AMER3: variants seen among roughly 807,000 people sequenced by gnomAD.
AMER3 encodes family with sequence similarity 123C.
For synonymous variants in AMER3, 541 were observed against 485.5 expected (o/e 1.11, Z -1.50); for missense variants, 1,201 against 1,139.4 (o/e 1.05, Z -0.78).
Position 130,764,817 on chromosome 2 carries a change from G to A in AMER3, c.*159G>A. On this transcript the variant is annotated 3_prime_UTR_variant, in exon 2 of 2. Coordinates refer to ENST00000321420, the MANE Select transcript of AMER3 (RefSeq NM_152698.3). ...GCAGAGGGTAGCATGTTCATGTGGA[G>A]GCATCCTTGCCTGAACCCACCAGCT... The A allele has an allele frequency of 5.0e-6, 5 of 993,764 alleles. No individual in the cohort carries two copies. Among genetic ancestry groups the A allele is most frequent in the East Asian group, 2.6e-5 (1 of 37,802 alleles). 61.6% of individuals were successfully genotyped at this position (993,764 alleles called of 1,614,324 possible).
rs1029670290 is a variant in AMER3, at chr2:130,765,765, C to T, written c.*1107C>T. ...AGCTCTGAGAGAGAGACCAGTTTGCCTTCTTTATTTGTTCTCCCTGGGCCT... is the reference window on the plus strand; with the variant it reads ...AGCTCTGAGAGAGAGACCAGTTTGCTTTCTTTATTTGTTCTCCCTGGGCCT... On this transcript the variant is annotated 3_prime_UTR_variant, in exon 2 of 2. Transcript: ENST00000321420. 1 of 167,028 alleles carries T rather than the reference C, an allele frequency of 6.0e-6. No individual in the cohort carries two copies. Among genetic ancestry groups the T allele is most frequent in the African/African-American group, 2.4e-5 (1 of 41,442 alleles). The allele number at this position is 167,028 out of a possible 1,614,324, so 10.3% of individuals were successfully genotyped here.
Position 130,764,958 on chromosome 2 carries a change from G to C in AMER3, c.*300G>C. On this transcript the variant is annotated 3_prime_UTR_variant, in exon 2 of 2. Coordinates refer to ENST00000321420, the MANE Select transcript of AMER3 (RefSeq NM_152698.3). ...TGAGGGGGAGAAAGAGCTGCACATT[G>C]TAAATGGGAAGCAGAGAGCCAATGA... is the stretch of plus-strand genomic sequence containing the variant. 1 of 340,038 alleles carries C rather than the reference G, an allele frequency of 2.9e-6. No individual in the cohort carries two copies. The highest frequency in any genetic ancestry group is 5.7e-6 in the Non-Finnish European group (1 of 176,470). 21.1% of individuals were successfully genotyped at this position (340,038 alleles called of 1,614,324 possible).
At position 130,767,503 on chromosome 2, in the gene AMER3, T is replaced by A; in HGVS notation, c.*2845T>A. ...GACGCTGGTCAGTGCCTCTCCTGAC[T>A]GCCTGACGCTTGGTCTCCGGTGGCC... On this transcript the variant is annotated 3_prime_UTR_variant, in exon 2 of 2. Transcript: ENST00000321420. 6.0e-6 allele frequency: 1 copy of A among 166,764 alleles called. No individual in the cohort carries two copies. The highest frequency in any genetic ancestry group is 1.5e-5 in the Non-Finnish European group (1 of 68,116). The allele number at this position is 166,764 out of a possible 1,614,324, so 10.3% of individuals were successfully genotyped here.
rs374615836 is a variant in AMER3, at chr2:130,763,361, G to C, written c.1289G>C (p.Ser430Thr). 2 of 1,613,290 alleles carry C rather than the reference G, an allele frequency of 1.2e-6. No individual in the cohort carries two copies. The highest frequency in any genetic ancestry group is 1.7e-6 in the Non-Finnish European group (2 of 1,180,004). ...CTCTACGAGCTCTTCCACGACCCCA[G>C]CGAGGGTCCTCTTGGCCCCAGCCCA... is the stretch of plus-strand genomic sequence containing the variant. ...DALYELFHDP[S>T]EGPLGPSPDD... is the part of the protein sequence containing the mutation. Residue 430 changes from serine to threonine, a missense_variant, in exon 2 of 2, where the codon AGC becomes ACC. By Grantham distance (58) the Ser-to-Thr change is moderately conservative. Transcript: ENST00000321420.
At chr2:130,760,267 G>A (rs1368535607) in intron 1 of AMER3, among the ~76,000 whole-genome samples, 2 of 152,196 alleles carry the variant, frequency 1.3e-5, no homozygotes, top group Non-Finnish European at 2.9e-5. Flanking sequence ...CACTTCCCTT[G>A]GGTGGGAGCG....
intron 1 of AMER3, among the ~76,000 whole-genome samples, chr2:130,757,566 G>C (rs1558963999): frequency 6.6e-6 from 1 of 152,132 alleles, no homozygotes; most frequent in Non-Finnish European, 1.5e-5. Context: ...TGCTGCTCTG[G>C]TCACTTGAGC....
intron 1 of AMER3, among the ~76,000 whole-genome samples, chr2:130,760,667 GCAGA>G (rs1678750165): frequency 6.6e-6 from 1 of 152,128 alleles, no homozygotes; most frequent in Non-Finnish European, 1.5e-5. Context: ...GGAGACCCTG[GCAGA>G]CAGAGGTATT....
chr2:130,760,613 CTGACAGAG>C (rs1303663251), intron 1 of AMER3, among the ~76,000 whole-genome samples: 2 of 152,158 alleles, frequency 1.3e-5, no homozygotes, highest in Admixed American at 6.5e-5. Context: ...CCTGGCCAGA[CTGACAGAG>C]TACTGACTGT....
Position 130,764,684 on chromosome 2 carries a change from G to A in AMER3, c.*26G>A. The A allele has an allele frequency of 6.4e-7, 1 of 1,558,988 alleles. No homozygotes were observed. The highest frequency in any genetic ancestry group is 1.2e-5 in the South Asian group (1 of 83,202). Reference sequence around the variant, plus strand: ...GACAGGCTCACATGCACCAGGAACTGCATGTGTCTTCATGACCACTTTCAG... The same window carrying A: ...GACAGGCTCACATGCACCAGGAACTACATGTGTCTTCATGACCACTTTCAG... On this transcript the variant is annotated 3_prime_UTR_variant, in exon 2 of 2. Coordinates refer to ENST00000321420, the MANE Select transcript of AMER3 (RefSeq NM_152698.3).
intron 1 of AMER3, among the ~76,000 whole-genome samples, chr2:130,757,069 G>A (rs1213341484): frequency 6.6e-6 from 1 of 152,074 alleles, no homozygotes; most frequent in Non-Finnish European, 1.5e-5. Context: ...TTTGTCTCAA[G>A]GCGTTTCTGT....
At position 130,765,223 on chromosome 2, in the gene AMER3, T is replaced by C. The variant is rs1425362246; in HGVS notation, c.*565T>C. ...AAACACAACAGAACACATCAGCCAC[T>C]TCACACAATAAAATAGGCAATAATA... On this transcript the variant is annotated 3_prime_UTR_variant, in exon 2 of 2. Coordinates refer to ENST00000321420, the MANE Select transcript of AMER3 (RefSeq NM_152698.3). The C allele has an allele frequency of 1.2e-5, 2 of 167,336 alleles. No individual in the cohort carries two copies. The highest frequency in any genetic ancestry group is 3.8e-4 in the East Asian group (2 of 5,206). The allele number at this position is 167,336 out of a possible 1,614,324, so 10.4% of individuals were successfully genotyped here. A position where few individuals can be genotyped will look rare whatever the true frequency, so the allele number is the denominator to read the frequency against.
chr2:130,763,898 C>T lies in AMER3; in HGVS notation c.1826C>T (p.Ser609Phe). The T allele has an allele frequency of 6.2e-7, 1 of 1,613,618 alleles. No individual in the cohort carries two copies. The highest frequency in any genetic ancestry group is 8.5e-7 in the Non-Finnish European group (1 of 1,180,028). Residue 609 changes from serine (S) to phenylalanine (F), a missense_variant, in exon 2 of 2, where the codon TCT (serine) becomes TTT (phenylalanine). Ser to Phe is a radical substitution (Grantham distance 155). Transcript: ENST00000321420. ...CGAGAGGAAGAGACACGAGGTCACT[C>T]TGAAGGCTTGTTCTCCTCTATGGAG... ...ASREEETRGH[S>F]EGLFSSMESA...
chr2:130,765,314 C>T lies in AMER3; in HGVS notation c.*656C>T, dbSNP rs1678953191. On this transcript the variant is annotated 3_prime_UTR_variant, in exon 2 of 2. Transcript: ENST00000321420. The stretch of plus-strand genomic sequence containing the variant: ...CCGGTGTGAGTTATTAGCAGACAAA[C>T]TATATTCATGAAGAAATAGGTCAAA... 1 of 167,002 alleles carries T rather than the reference C, an allele frequency of 6.0e-6. No individual in the cohort carries two copies. The highest frequency in any genetic ancestry group is 1.5e-5 in the Non-Finnish European group (1 of 68,134). The allele number at this position is 167,002 out of a possible 1,614,324, so 10.3% of individuals were successfully genotyped here.
rs562674707 is a variant in AMER3 at position 130,764,198 on chromosome 2, G to A, written c.2126G>A (p.Arg709His). The change falls in exon 2 of 2, where the codon CGC becomes CAC. Residue 709 changes from arginine (R) to histidine (H), a missense_variant. By Grantham distance (29) the Arg-to-His change is conservative. Coordinates refer to ENST00000321420, the MANE Select transcript of AMER3 (RefSeq NM_152698.3). ...ATGGGCAGTGGGCTCTTTGGGCAGC[G>A]CTGGGCCAGGGGCCCTGACATGCTG... ...QDMGSGLFGQ[R>H]WARGPDMLEQ... is the part of the protein sequence containing the mutation. The A allele has an allele frequency of 1.6e-5, 25 of 1,608,442 alleles. No individual in the cohort carries two copies. The East Asian group carries it at 1.8e-4, about 12-fold the overall frequency.
At position 130,764,278 on chromosome 2, in the gene AMER3, T is replaced by A; in HGVS notation, c.2206T>A (p.Tyr736Asn). 1 of 1,609,278 alleles carries A rather than the reference T, an allele frequency of 6.2e-7. No individual in the cohort carries two copies. The highest frequency in any genetic ancestry group is 1.7e-5 in the Admixed American group (1 of 59,716). ...CATGACCACCATCCATGGCCTACCC[T>A]ACTCAGCCAGCACACAGGACCAGAG... The part of the protein sequence containing the change: ...PSMTTIHGLP[Y>N]SASTQDQRCR... Residue 736 changes from tyrosine (Y) to asparagine (N), a missense_variant, in exon 2 of 2, where the codon TAC becomes AAC. Coordinates refer to ENST00000321420, the MANE Select transcript of AMER3 (RefSeq NM_152698.3).
rs775061865 is a variant in AMER3 at position 130,763,173 on chromosome 2, C to G, written c.1101C>G (p.Ile367Met). 1.2e-6 allele frequency: 2 copies of G among 1,613,476 alleles called. No individual in the cohort carries two copies. Among genetic ancestry groups the G allele is most frequent in the Admixed American group, 1.7e-5 (1 of 60,006 alleles). ...GCAGCGGCTCCAAAGCCAGCTCCAT[C>G]GACACAGGCACCCCCAAGAGCGAGC... is the stretch of plus-strand genomic sequence containing the variant. The part of the protein sequence containing the change: ...DPRSGSKASS[I>M]DTGTPKSEQP... Residue 367 changes from isoleucine (I) to methionine (M), a missense_variant, in exon 2 of 2, where the codon ATC becomes ATG. By Grantham distance (10) the Ile-to-Met change is conservative. Transcript: ENST00000321420.
Position 130,763,326 on chromosome 2 carries a change from T to G in AMER3, c.1254T>G (p.Ser418Arg). 1 of 1,613,512 alleles carries G rather than the reference T, an allele frequency of 6.2e-7. No homozygotes were observed. Among genetic ancestry groups the G allele is most frequent in the Non-Finnish European group, 8.5e-7 (1 of 1,180,024 alleles). ...CCACCTTCCCACGGGACAGCTACAG[T>G]GGGGACGCCCTCTACGAGCTCTTCC... ...PAATFPRDSY[S>R]GDALYELFHD... Residue 418 changes from serine (S) to arginine (R), a missense_variant, in exon 2 of 2, where the codon AGT (serine) becomes AGG (arginine). Transcript: ENST00000321420.
chr2:130,763,073 G>T lies in AMER3; in HGVS notation c.1001G>T (p.Gly334Val), dbSNP rs745845674. The T allele has an allele frequency of 5.6e-6, 9 of 1,613,270 alleles. No individual in the cohort carries two copies. Among genetic ancestry groups the T allele is most frequent in the Middle Eastern group, 1.6e-4 (1 of 6,084 alleles). The change falls in exon 2 of 2, where the codon GGG (glycine) becomes GTG (valine). Residue 334 changes from glycine (G) to valine (V), a missense_variant. Transcript: ENST00000321420. ...LLGPWLSGPQ[G>V]TDRDQSRLDT... Reference sequence around the variant, plus strand: ...GGCCCGTGGCTTTCAGGCCCCCAGGGGACAGACAGGGACCAATCCCGGCTG... The same window carrying T: ...GGCCCGTGGCTTTCAGGCCCCCAGGTGACAGACAGGGACCAATCCCGGCTG...
intron 1 of AMER3, chr2:130,756,414 G>A (rs963868225): frequency 6.6e-6 from 1 of 152,274 alleles, no homozygotes; most frequent in African/African-American, 2.4e-5. Context: ...GGCTGCGTTG[G>A]TCCTGCCCCG....
Sources: allele counts gnomAD v4.1 joint callset (sites outside exome capture counted in the v4.1 genomes callset), GRCh38; gene constraint gnomAD v4.1.1; transcripts MANE v1.5; gene names NCBI Gene and HGNC (gene_info 2026-07-23, HGNC 2026-07-21).